NOX4: variants seen among roughly 807,000 people sequenced by gnomAD.
NOX4 encodes kidney oxidase-1.
Under a neutral mutation model 87.6 loss-of-function variants are expected in NOX4, and 69 were observed. That is an observed-to-expected ratio of 0.79 (90% CI 0.65 to 0.96). The LOEUF is 0.96. Ranked by LOEUF, NOX4 falls within the 40% of genes least tolerant of loss-of-function variation. The probability of loss-of-function intolerance (pLI) is 0.00; values close to 1 mark genes in which losing one functional copy is unlikely to be tolerated. For synonymous variants in NOX4, 275 were observed against 238.2 expected (o/e 1.15, Z -1.42); for missense variants, 680 against 681.5 (o/e 1.00, Z 0.02).
chr11:89,481,637 A>T (rs1946394624), intron 2 of NOX4, among the ~76,000 whole-genome samples: 1 of 152,122 alleles, frequency 6.6e-6, no homozygotes, highest in East Asian at 1.9e-4. Flanking sequence ...TACTTAGGCA[A>T]TTTTAAAATC....
At chr11:89,545,747 C>G in the NOX4 span, 1 of 147,130 alleles carries the variant, frequency 6.8e-6, no homozygotes. Flanking sequence ...ATTATTTTCT[C>G]TCTTTCCTGC....
the NOX4 span, among the ~76,000 whole-genome samples, chr11:89,562,140 T>C: frequency 6.6e-6 from 1 of 152,208 alleles, no homozygotes; most frequent in African/African-American, 2.4e-5. Context: ...CTATATTCAC[T>C]TGTTGCATGC....
chr11:89,468,606 T>C (rs912985018), intron 2 of NOX4, among the ~76,000 whole-genome samples: 5 of 152,176 alleles, frequency 3.3e-5, no homozygotes, highest in Non-Finnish European at 2.9e-5. Context: ...CTTTATCCTA[T>C]ACTCAAAAGA....
the NOX4 span, among the ~76,000 whole-genome samples, chr11:89,506,297 A>AAGAAAGAAAGAGAAAG: frequency 3.9e-4 from 56 of 144,968 alleles, no homozygotes; most frequent in African/African-American, 7.9e-4. Context: ...GAAAGAAAGA[A>AAGAAAGAAAGAGAAAG]AGAAAGAGAG....
chr11:89,435,028 C>T (rs2135324624), intron 6 of NOX4, among the ~76,000 whole-genome samples: 1 of 152,080 alleles, frequency 6.6e-6, no homozygotes, highest in Admixed American at 6.6e-5. Flanking sequence ...TATTTATCAT[C>T]TAACTTTTGA....
chr11:89,391,800 C>T (rs1372960132), intron 11 of NOX4, among the ~76,000 whole-genome samples: 1 of 150,688 alleles, frequency 6.6e-6, no homozygotes, highest in Non-Finnish European at 1.5e-5. Context: ...TTAAAGAACT[C>T]CTCAAAACCA....
rs1937900682 is a variant in NOX4 at position 89,354,968 on chromosome 11, T to A, written c.1211A>T (p.Tyr404Phe). The change falls in exon 13 of 18, where the codon TAT (tyrosine) becomes TTT (phenylalanine). Residue 404 changes from tyrosine to phenylalanine, a missense_variant. By Grantham distance (22) the Tyr-to-Phe change is conservative (BLOSUM62 3). Transcript: ENST00000263317. ...EILPFIQSRN[Y>F]PKLYIDGPFG... ...GTGAACTCCTTTTGCTTACTTGGGA[T>A]AATTTCTAGATTGAATGAAGGGCAG... 6.3e-7 allele frequency: 1 copy of A among 1,585,748 alleles called. No homozygotes were observed. The highest frequency in any genetic ancestry group is 1.3e-5 in the African/African-American group (1 of 74,370).
chr11:89,416,583 A>G (rs1347017987), intron 8 of NOX4, among the ~76,000 whole-genome samples: 4 of 152,142 alleles, frequency 2.6e-5, no homozygotes, highest in East Asian at 1.9e-4. Flanking sequence ...TCAGCACAAT[A>G]AGCCGACCCC....
chr11:89,460,481 T>C (rs918429974), intron 2 of NOX4, among the ~76,000 whole-genome samples: 2 of 151,760 alleles, frequency 1.3e-5, no homozygotes, highest in African/African-American at 2.4e-5. Flanking sequence ...AACAACCCCA[T>C]CAAAAAGTGG....
At chr11:89,489,129 T>C in intron 2 of NOX4, 4 of 570,424 alleles carry the variant, frequency 7.0e-6, no homozygotes, top group Non-Finnish European at 3.1e-6. Context: ...TACTTTGTTG[T>C]ATAAAAAATT....
At chr11:89,372,110 G>A (rs891530658) in intron 12 of NOX4, among the ~76,000 whole-genome samples, 1 of 150,604 alleles carries the variant, frequency 6.6e-6, no homozygotes, top group African/African-American at 2.4e-5. Flanking sequence ...GAGATATTAG[G>A]TTCTTCCTTC....
the NOX4 span, among the ~76,000 whole-genome samples, chr11:89,521,935 A>T: frequency 7.5e-4 from 115 of 152,320 alleles, 1 homozygote; most frequent in South Asian, 0.022. Flanking sequence ...AATGCTCAAC[A>T]TCACTGATCA....
intron 15 of NOX4, among the ~76,000 whole-genome samples, chr11:89,338,958 T>C (rs1258850653): frequency 6.6e-6 from 1 of 152,108 alleles, no homozygotes; most frequent in Non-Finnish European, 1.5e-5. Flanking sequence ...TTGGTTGTTG[T>C]CTATCTTGCC....
intron 14 of NOX4, among the ~76,000 whole-genome samples, chr11:89,340,852 A>G (rs1945960216): frequency 6.6e-6 from 1 of 152,100 alleles, no homozygotes; most frequent in Non-Finnish European, 1.5e-5. Flanking sequence ...TCTGGCTTAG[A>G]GCATGATCAT....
intron 13 of NOX4, among the ~76,000 whole-genome samples, chr11:89,353,048 C>T (rs1937682266): frequency 6.6e-6 from 1 of 152,116 alleles, no homozygotes; most frequent in Admixed American, 6.6e-5. Flanking sequence ...CAAACTCCTG[C>T]CCTCAGGCGA....
At chr11:89,511,353 A>G in the NOX4 span, among the ~76,000 whole-genome samples, 1 of 151,844 alleles carries the variant, frequency 6.6e-6, no homozygotes, top group South Asian at 2.1e-4. Flanking sequence ...ATTCCAGTCT[A>G]ATTAAAATTT....
chr11:89,438,356 T>C (rs1488743612), intron 6 of NOX4, among the ~76,000 whole-genome samples: 2 of 114,870 alleles, frequency 1.7e-5, no homozygotes, highest in Non-Finnish European at 3.3e-5. Flanking sequence ...ATATATACTA[T>C]ATATTATATA....
At chr11:89,459,187 T>G (rs1945340600) in intron 2 of NOX4, among the ~76,000 whole-genome samples, 1 of 152,044 alleles carries the variant, frequency 6.6e-6, no homozygotes, top group African/African-American at 2.4e-5. Flanking sequence ...ATGATTATCC[T>G]AAAACAGAAA....
At chr11:89,331,802 A>G (rs1945484755) in intron 17 of NOX4, among the ~76,000 whole-genome samples, 1 of 151,444 alleles carries the variant, frequency 6.6e-6, no homozygotes. Context: ...TTTCTTTAAC[A>G]TTTTCTTTTG....
Sources: gnomAD v4.1 joint callset for allele counts (sites outside exome capture counted in the v4.1 genomes callset) on GRCh38, gnomAD v4.1.1 for gene constraint, MANE v1.5 for transcripts, NCBI Gene and HGNC (gene_info 2026-07-23, HGNC 2026-07-21) for gene names.